The following NUDT4 variants were observed in gnomAD, a reference collection of about 807,000 sequenced individuals.
NUDT4 encodes diphosphoinositol polyphosphate phosphohydrolase 2.
A neutral mutation model predicts 23.1 loss-of-function variants in NUDT4; 5 were observed. The observed-to-expected ratio is 0.22, with a 90% CI of 0.11 to 0.46. The LOEUF is 0.46. NUDT4 is among the 20% of genes least tolerant of loss of function. The pLI, the probability that NUDT4 is intolerant of heterozygous loss-of-function variation, is 0.99. For missense variants in NUDT4, 96 were observed against 211.6 expected (o/e 0.45, Z 3.39); for synonymous variants, 50 against 79.0 (o/e 0.63, Z 1.95).
At chr12:93,382,674 C>CTTTTTTTT (rs11315217) in intron 1 of NUDT4, among the ~76,000 whole-genome samples, 21 of 111,646 alleles carry the variant, frequency 1.9e-4, no homozygotes, top group African/African-American at 4.9e-4. Flanking sequence ...CAAAGGTAGC[C>CTTTTTTTT]TTTTTTTTTT....
At chr12:93,385,970 T>C (rs9919681) in intron 1 of NUDT4, among the ~76,000 whole-genome samples, 4,459 of 118,154 alleles carry the variant, frequency 0.038, 258 homozygotes, top group African/African-American at 0.11. Flanking sequence ...TATATATATA[T>C]ACATAATTTT....
intron 1 of NUDT4, among the ~76,000 whole-genome samples, chr12:93,390,405 G>A (rs1876408521): frequency 6.6e-6 from 1 of 152,076 alleles, no homozygotes; most frequent in Non-Finnish European, 1.5e-5. Flanking sequence ...CTTGATAGAG[G>A]GCCAGTGCCT....
At chr12:93,396,345 A>G (rs1456892765) in intron 3 of NUDT4, among the ~76,000 whole-genome samples, 2 of 152,178 alleles carry the variant, frequency 1.3e-5, no homozygotes, top group Admixed American at 6.5e-5. Context: ...GGCAGAATAG[A>G]ATTTTCAGGG....
At chr12:93,380,336 C>T (rs530338140) in intron 1 of NUDT4, among the ~76,000 whole-genome samples, 1 of 152,220 alleles carries the variant, frequency 6.6e-6, no homozygotes, top group African/African-American at 2.4e-5. Context: ...CTGATAGAAG[C>T]TTTAGGAATT....
chr12:93,394,861 T>G, intron 2 of NUDT4, 142 bp downstream of exon 2: 2 of 544,504 alleles, frequency 3.7e-6, no homozygotes, highest in South Asian at 2.4e-5. Flanking sequence ...TTTTTTTTTA[T>G]TTTTTGAGAT....
chr12:93,399,959 C>G lies in NUDT4; in HGVS notation c.*580C>G, dbSNP rs1250290960. ...TGCCATTTTTGGGGATTTGTCGACT[C>G]ATTTTGTCTGAATTTTCACAACTGG... On this transcript the variant is annotated 3_prime_UTR_variant, in exon 5 of 5. Coordinates refer to ENST00000415493, the MANE Select transcript of NUDT4 (RefSeq NM_019094.6). 8.7e-6 allele frequency: 1 copy of G among 114,626 alleles called. No homozygotes were observed. The highest frequency in any genetic ancestry group is 3.9e-5 in the African/African-American group (1 of 25,408). 7.1% of individuals were successfully genotyped at this position (114,626 alleles called of 1,614,324 possible).
chr12:93,394,244 C>T (rs987285531), intron 1 of NUDT4, among the ~76,000 whole-genome samples: 17 of 152,264 alleles, frequency 1.1e-4, no homozygotes, highest in Admixed American at 2.6e-4. Flanking sequence ...CCTCTTGATC[C>T]GCCCGCCTCG....
At chr12:93,378,694 G>T (rs993749561) in intron 1 of NUDT4, 5 of 1,143,190 alleles carry the variant, frequency 4.4e-6, no homozygotes, top group Non-Finnish European at 5.4e-6. Flanking sequence ...CCCGGGCCGC[G>T]TAAGTCTCGC....
At chr12:93,387,008 A>G (rs1876151721) in intron 1 of NUDT4, among the ~76,000 whole-genome samples, 1 of 152,108 alleles carries the variant, frequency 6.6e-6, no homozygotes, top group South Asian at 2.1e-4. Flanking sequence ...ATCTCAGCTC[A>G]CTGCAAACCG....
At chr12:93,379,659 A>G (rs1334351669) in intron 1 of NUDT4, among the ~76,000 whole-genome samples, 2 of 152,182 alleles carry the variant, frequency 1.3e-5, no homozygotes, top group African/African-American at 4.8e-5. Context: ...ATTAGACTTG[A>G]ATCCCAAACG....
intron 3 of NUDT4, among the ~76,000 whole-genome samples, chr12:93,397,786 A>G (rs1877042273): frequency 6.6e-6 from 1 of 152,048 alleles, no homozygotes; most frequent in Non-Finnish European, 1.5e-5. Context: ...TGGCCTCCCA[A>G]AGTACTGGGA....
intron 1 of NUDT4, among the ~76,000 whole-genome samples, chr12:93,382,264 CA>C (rs61019568): frequency 0.14 from 15,406 of 113,338 alleles, 1,020 homozygotes; most frequent in East Asian, 0.44. Context: ...ACCCTGCCTG[CA>C]AAAAAAAAAA....
At chr12:93,391,553 A>T (rs943616778) in intron 1 of NUDT4, among the ~76,000 whole-genome samples, 52 of 133,850 alleles carry the variant, frequency 3.9e-4, no homozygotes, top group African/African-American at 1.6e-3. Context: ...TGATAGGACG[A>T]GACTCCATTT....
chr12:93,396,888 C>CAAA (rs1876974948), intron 3 of NUDT4, among the ~76,000 whole-genome samples: 2 of 152,086 alleles, frequency 1.3e-5, no homozygotes, highest in African/African-American at 4.8e-5. Context: ...AGAGAAAAGT[C>CAAA]GTTCAAGTAG....
chr12:93,382,187 C>T (rs1039072801), intron 1 of NUDT4, among the ~76,000 whole-genome samples: 1 of 150,660 alleles, frequency 6.6e-6, no homozygotes, highest in Non-Finnish European at 1.5e-5. Flanking sequence ...TCCCTTGAAC[C>T]TGGGAGGTGG....
chr12:93,397,679 C>T (rs865926866), intron 3 of NUDT4, among the ~76,000 whole-genome samples: 4 of 152,248 alleles, frequency 2.6e-5, no homozygotes, highest in Middle Eastern at 3.4e-3. Flanking sequence ...CATACAACCA[C>T]GCCCGGCTAA....
At position 93,393,098 on chromosome 12, in the gene NUDT4, T is replaced by A. The variant is rs1048014011; in HGVS notation, c.100-1511T>A. Among the ~76,000 whole-genome samples the A allele has an allele frequency of 6.3e-5, 9 of 143,922 alleles. 1 individual carries two copies. The highest frequency in any genetic ancestry group is 1.5e-5 in the Non-Finnish European group (1 of 66,174). The allele number at this position is 143,922 out of a possible 152,430, so 94.4% of individuals were successfully genotyped here. A position where few individuals can be genotyped will look rare whatever the true frequency, so the allele number is the denominator to read the frequency against. ...AATTTGTAGATTTCAGTCTTTTTTTTTTTTTTTTTTCCCCGAGATGGAGTC... is the reference window on the plus strand; with the variant it reads ...AATTTGTAGATTTCAGTCTTTTTTTATTTTTTTTTTCCCCGAGATGGAGTC... On this transcript the variant is annotated intron_variant, in intron 1 of 4. Transcript: ENST00000415493.
At position 93,403,032 on chromosome 12, in the gene NUDT4, AT is replaced by A. The variant is rs11307761; in HGVS notation, c.*3668del. ...TAAGAATTCTCTATAGGACTCTTTA[AT>A]TTTTTTTTTTTTTTGGTAGAGATGG... On this transcript the variant is annotated 3_prime_UTR_variant, in exon 5 of 5. Coordinates refer to ENST00000415493, the MANE Select transcript of NUDT4 (RefSeq NM_019094.6). The A allele has an allele frequency of 0.56, 80,305 of 143,878 alleles. 23,546 individuals are homozygous for A. The highest frequency in any genetic ancestry group is 0.79 in the African/African-American group (31,198 of 39,258). 8.9% of individuals were successfully genotyped at this position (143,878 alleles called of 1,614,324 possible).
At chr12:93,392,543 C>T (rs1304230619) in intron 1 of NUDT4, among the ~76,000 whole-genome samples, 3 of 151,034 alleles carry the variant, frequency 2.0e-5, no homozygotes, top group Non-Finnish European at 2.9e-5. Context: ...AGGCATGAGC[C>T]ACTGCGCCCG....
Sources: gnomAD v4.1 joint callset for allele counts (sites outside exome capture counted in the v4.1 genomes callset) on GRCh38, gnomAD v4.1.1 for gene constraint, MANE v1.5 for transcripts, NCBI Gene and HGNC (gene_info 2026-07-23, HGNC 2026-07-21) for gene names.